The following SLC7A2 variants were observed in gnomAD, a reference collection of about 807,000 sequenced individuals.
SLC7A2 encodes the protein cationic amino acid transporter 2.
In SLC7A2, 48 loss-of-function variants were observed where a neutral mutation model predicts 58.9. The observed-to-expected ratio is 0.82, with a 90% CI of 0.65 to 1.04. SLC7A2 has a LOEUF of 1.04. Among genes scored for constraint, SLC7A2 ranks in the 50% least tolerant of loss-of-function variants. The pLI is 0.00. For missense variants in SLC7A2, 1,029 were observed against 818.8 expected (o/e 1.26, Z -3.13); for synonymous variants, 363 against 314.5 (o/e 1.15, Z -1.63).
chr8:17,550,643 G>A (rs547927412), intron 6 of SLC7A2, among the ~76,000 whole-genome samples: 2 of 152,244 alleles, frequency 1.3e-5, no homozygotes, highest in East Asian at 1.9e-4. Flanking sequence ...GTTTGGGAGA[G>A]CAATTCCTAC....
chr8:17,538,781 A>G, intron 2 of SLC7A2: 2 of 1,612,350 alleles, frequency 1.2e-6, no homozygotes, highest in Non-Finnish European at 1.7e-6. Flanking sequence ...CATCAGTCCC[A>G]AAACAGAAAG....
At chr8:17,537,450 G>A (rs971082050) in intron 2 of SLC7A2, among the ~76,000 whole-genome samples, 5 of 152,094 alleles carry the variant, frequency 3.3e-5, no homozygotes, top group African/African-American at 9.7e-5. Flanking sequence ...CCATTTGACC[G>A]ACCTAATCAT....
chr8:17,528,172 C>T (rs1162991516), intron 2 of SLC7A2, among the ~76,000 whole-genome samples: 1 of 152,084 alleles, frequency 6.6e-6, no homozygotes, highest in East Asian at 1.9e-4. Flanking sequence ...GCTGAGGAGA[C>T]AGGGAGGAGC....
chr8:17,529,208 C>T (rs907945544), intron 2 of SLC7A2, among the ~76,000 whole-genome samples: 2 of 152,186 alleles, frequency 1.3e-5, no homozygotes, highest in African/African-American at 4.8e-5. Flanking sequence ...CACTGGTTTT[C>T]CTTACAGTCT....
chr8:17,503,985 G>A (rs1395990337), intron 2 of SLC7A2, among the ~76,000 whole-genome samples: 2 of 152,142 alleles, frequency 1.3e-5, no homozygotes, highest in Admixed American at 1.3e-4. Context: ...TTGGCCACAT[G>A]AGGAATTTAC....
At position 17,567,292 on chromosome 8, in the gene SLC7A2, G is replaced by A. The variant is rs1426118021; in HGVS notation, c.*2146G>A. 6.6e-6 allele frequency: 1 copy of A among 152,352 alleles called. No homozygotes were observed. The highest frequency in any genetic ancestry group is 6.5e-5 in the Admixed American group (1 of 15,272). 9.4% of individuals were successfully genotyped at this position (152,352 alleles called of 1,614,324 possible). A position where few individuals can be genotyped will look rare whatever the true frequency, so the allele number is the denominator to read the frequency against. Reference sequence around the variant, plus strand: ...AATAGACCCTTCACACAGGAAATGTGAACAATTGTTATATATGAACACTCA... The same window carrying A: ...AATAGACCCTTCACACAGGAAATGTAAACAATTGTTATATATGAACACTCA... On this transcript the variant is annotated 3_prime_UTR_variant, in exon 13 of 13. Transcript: ENST00000494857.
At chr8:17,549,863 A>C (rs1353737517) in intron 5 of SLC7A2, among the ~76,000 whole-genome samples, 3 of 152,216 alleles carry the variant, frequency 2.0e-5, no homozygotes, top group East Asian at 1.9e-4. Flanking sequence ...TCGTGTTTTT[A>C]AATGTCTTCT....
At chr8:17,543,762 C>T in intron 3 of SLC7A2, 47 bp downstream of exon 3, 7 of 1,491,492 alleles carry the variant, frequency 4.7e-6, no homozygotes, top group Non-Finnish European at 6.3e-6. Context: ...GAAGAAATCG[C>T]AGCCCTGAGT....
intron 1 of SLC7A2, among the ~76,000 whole-genome samples, chr8:17,499,421 C>G (rs909766124): frequency 2.0e-5 from 3 of 150,436 alleles, no homozygotes; most frequent in African/African-American, 7.4e-5. Flanking sequence ...TCTCTCCCCC[C>G]TTCTCTCTCT....
chr8:17,507,460 C>T (rs767819162), intron 2 of SLC7A2, among the ~76,000 whole-genome samples: 10 of 152,186 alleles, frequency 6.6e-5, no homozygotes, highest in East Asian at 1.9e-4. Context: ...ATGATCTTCT[C>T]GCCTTGGCCT....
At chr8:17,546,518 C>A (rs1802181506) in intron 4 of SLC7A2, among the ~76,000 whole-genome samples, 1 of 152,156 alleles carries the variant, frequency 6.6e-6, no homozygotes, top group South Asian at 2.1e-4. Context: ...GGAGATGAGA[C>A]CTCAGAGTAG....
intron 2 of SLC7A2, among the ~76,000 whole-genome samples, chr8:17,516,056 T>A (rs1400261637): frequency 6.6e-6 from 1 of 152,182 alleles, no homozygotes; most frequent in Non-Finnish European, 1.5e-5. Flanking sequence ...TAAAGAAAGT[T>A]ATCATCTCTT....
At chr8:17,524,421 T>TGTACAC (rs1382653999) in intron 2 of SLC7A2, among the ~76,000 whole-genome samples, 1 of 135,096 alleles carries the variant, frequency 7.4e-6, no homozygotes. Flanking sequence ...TGTGTGTGTG[T>TGTACAC]ACACACACAC....
chr8:17,503,754 A>C (rs1271723120), intron 2 of SLC7A2, among the ~76,000 whole-genome samples: 1 of 152,196 alleles, frequency 6.6e-6, no homozygotes, highest in African/African-American at 2.4e-5. Context: ...GCTTTAGGCT[A>C]CTCTGTATGG....
intron 2 of SLC7A2, among the ~76,000 whole-genome samples, chr8:17,526,523 G>C (rs939179371): frequency 2.0e-5 from 3 of 152,168 alleles, no homozygotes; most frequent in Non-Finnish European, 4.4e-5. Flanking sequence ...TTCAGGTCTG[G>C]ATGAATTACA....
chr8:17,544,480 G>C lies in SLC7A2; in HGVS notation c.406G>C (p.Gly136Arg), dbSNP rs1375648781. ...GTSSVARAWS[G>R]TFDELLSKQI... ...ATCAAGTGTTGCAAGAGCCTGGAGT[G>C]GCACCTTTGATGAACTTCTTAGCAA... is the stretch of plus-strand genomic sequence containing the variant. The change falls in exon 4 of 13, where the codon GGC (glycine) becomes CGC (arginine). Residue 136 changes from glycine (G) to arginine (R), a missense_variant. By Grantham distance (125) the Gly-to-Arg change is moderately radical (BLOSUM62 -2). Transcript: ENST00000494857. The C allele has an allele frequency of 1.9e-6, 3 of 1,613,998 alleles. No individual in the cohort carries two copies. The highest frequency in any genetic ancestry group is 2.5e-6 in the Non-Finnish European group (3 of 1,179,924).
Position 17,525,930 on chromosome 8 carries a change from ATGTT to A in SLC7A2, c.-22-17384_-22-17381del, listed in dbSNP as rs151133863. On this transcript the variant is annotated intron_variant, in intron 2 of 12. Transcript: ENST00000494857. ...TTTACTTTTTGGTAGTATTCATAGA[ATGTT>A]TGTCTTTTTTCATGATGGGGAAGTA... Among the ~76,000 whole-genome samples, 1,442 of 152,252 alleles carry A rather than the reference ATGTT, an allele frequency of 9.5e-3. 25 individuals are homozygous for A. Among genetic ancestry groups the A allele is most frequent in the African/African-American group, 0.033 (1,373 of 41,540 alleles).
rs369258300 is a variant in SLC7A2 at position 17,560,418 on chromosome 8, G to T, written c.1389G>T (p.Glu463Asp). 6.2e-7 allele frequency: 1 copy of T among 1,614,096 alleles called. No individual in the cohort carries two copies. The highest frequency in any genetic ancestry group is 8.5e-7 in the Non-Finnish European group (1 of 1,179,948). The change falls in exon 10 of 13, where the codon GAG becomes GAT. Residue 463 changes from glutamate (E) to aspartate (D), a missense_variant. Glu to Asp is a conservative substitution (Grantham distance 45). Transcript: ENST00000494857. The stretch of plus-strand genomic sequence containing the variant: ...CTCCCAGGGTAACCTCGAAGAGTGA[G>T]TCCCAGGTCACCATGCTGCAGAGAC... The part of the protein sequence containing the change: ...GSSPRVTSKS[E>D]SQVTMLQRQG...
intron 1 of SLC7A2, 64 bp downstream of exon 1, chr8:17,497,301 G>T (rs1189083493): frequency 6.6e-6 from 1 of 152,330 alleles, no homozygotes; most frequent in African/African-American, 2.4e-5. Context: ...GGACGCTGGG[G>T]CCGGCGGGGA....
Sources: allele counts gnomAD v4.1 joint callset (sites outside exome capture counted in the v4.1 genomes callset), GRCh38; gene constraint gnomAD v4.1.1; transcripts MANE v1.5; gene names NCBI Gene and HGNC (gene_info 2026-07-23, HGNC 2026-07-21).